Variants in KIF5C observed in about 807,000 individuals in gnomAD.
KIF5C encodes the protein kinesin family member 5C, also known as kinesin heavy chain isoform 5C.
Under a neutral mutation model 125.2 loss-of-function variants are expected in KIF5C, and 18 were observed. The ratio of observed to expected loss-of-function variants is 0.14; its 90% CI spans 0.10 to 0.21. The LOEUF (loss-of-function observed/expected upper bound fraction) is 0.21, where lower values mean the gene tolerates loss of function less well. KIF5C is among the 10% of genes least tolerant of loss of function. The pLI is 1.00. For synonymous variants in KIF5C, 405 were observed against 434.0 expected (o/e 0.93, Z 0.83); for missense variants, 780 against 1,183.8 (o/e 0.66, Z 5.01).
At chr2:148,882,886 G>A (rs2105036644) in intron 1 of KIF5C, among the ~76,000 whole-genome samples, 1 of 152,276 alleles carries the variant, frequency 6.6e-6, no homozygotes, top group East Asian at 1.9e-4. Context: ...TTGAGGGCAG[G>A]AAATTGTGTC....
chr2:148,949,718 T>C, intron 8 of KIF5C, 121 bp from the exon 9 acceptor site: 2 of 1,367,640 alleles, frequency 1.5e-6, no homozygotes, highest in Non-Finnish European at 2.0e-6. Flanking sequence ...GGGTCTTCTC[T>C]ACTTTTATTT....
At chr2:148,984,950 C>T (rs1246457248) in intron 15 of KIF5C, among the ~76,000 whole-genome samples, 1 of 151,992 alleles carries the variant, frequency 6.6e-6, no homozygotes, top group Non-Finnish European at 1.5e-5. Flanking sequence ...GCCACCAGGC[C>T]CTGCTAATTT....
chr2:148,914,416 T>C (rs1308281288), intron 1 of KIF5C, among the ~76,000 whole-genome samples: 1 of 152,282 alleles, frequency 6.6e-6, no homozygotes, highest in East Asian at 1.9e-4. Context: ...ATTCTGAATT[T>C]CTTCATTATC....
At position 148,929,365 on chromosome 2, in the gene KIF5C, A is replaced by C. The variant is rs1473241747; in HGVS notation, c.291+11A>C. The C allele has an allele frequency of 6.7e-7, 1 of 1,495,428 alleles. No individual in the cohort carries two copies. The highest frequency in any genetic ancestry group is 1.4e-5 in the African/African-American group (1 of 72,176). The allele number at this position is 1,495,428 out of a possible 1,614,324, so 92.6% of individuals were successfully genotyped here. A position where few individuals can be genotyped will look rare whatever the true frequency, so the allele number is the denominator to read the frequency against. ...ACCCACACCATGGAGGTAAGATTAC[A>C]ATGTGCTCTAATGCGAATCTCTGAG... On this transcript the variant is annotated intron_variant, in intron 3 of 25. Transcript: ENST00000435030.
intron 25 of KIF5C, among the ~76,000 whole-genome samples, chr2:149,017,390 C>G (rs1682395151): frequency 6.6e-6 from 1 of 152,166 alleles, no homozygotes; most frequent in South Asian, 2.1e-4. Flanking sequence ...CAGGGTCTCG[C>G]TCTTGAGACC....
At chr2:148,899,702 C>CAAAAA (rs771196518) in intron 1 of KIF5C, among the ~76,000 whole-genome samples, 17 of 45,984 alleles carry the variant, frequency 3.7e-4, no homozygotes, top group Admixed American at 8.6e-4. Context: ...AACTCCATCT[C>CAAAAA]AAAAAAAAAA....
intron 1 of KIF5C, among the ~76,000 whole-genome samples, chr2:148,911,098 G>A (rs1010032593): frequency 6.6e-6 from 1 of 152,184 alleles, no homozygotes; most frequent in African/African-American, 2.4e-5. Flanking sequence ...AACAATGTGG[G>A]TTTGGGACTC....
In KIF5C at chr2:148,876,119, A is replaced by G. The variant is rs1681182154; in HGVS notation, c.126+376A>G. Among the ~76,000 whole-genome samples, 1 of 152,142 alleles carries G rather than the reference A, an allele frequency of 6.6e-6. No homozygotes were observed. Among genetic ancestry groups the G allele is most frequent in the Non-Finnish European group, 1.5e-5 (1 of 68,002 alleles). On this transcript the variant is annotated intron_variant, in intron 1 of 25. Transcript: ENST00000435030. This position sits in a 1 kb window ranked among gnomAD's most constrained non-coding sequence, Gnocchi z 4.7. ...GTGCCCAGGCCCCCTTTAAAGTGTG[A>G]GCTCTGCAACCCGCAAATGCTTCTG...
chr2:148,928,324 C>T (rs1682083128), intron 2 of KIF5C, among the ~76,000 whole-genome samples: 1 of 152,160 alleles, frequency 6.6e-6, no homozygotes, highest in Admixed American at 6.5e-5. Context: ...CTCCCTGCCT[C>T]TACAGCTTGT....
At position 149,010,199 on chromosome 2, in the gene KIF5C, C is replaced by T. The variant is rs768689068; in HGVS notation, c.2615C>T (p.Thr872Met). Residue 872 changes from threonine (T) to methionine (M), a missense_variant, in exon 24 of 26, where the codon ACG becomes ATG. Physicochemically the swap from Thr to Met is moderately conservative, Grantham distance 81. Coordinates refer to ENST00000435030, the MANE Select transcript of KIF5C (RefSeq NM_004522.3). ...LPKLEKRLRA[T>M]AERVKALESA... is the part of the protein sequence containing the mutation. ...AAGCTGGAGAAGCGGCTGCGTGCCA[C>T]GGCGGAGCGCGTCAAGGCTCTGGAG... 5.1e-6 allele frequency: 8 copies of T among 1,556,932 alleles called. No homozygotes were observed. The highest frequency in any genetic ancestry group is 4.9e-5 in the East Asian group (2 of 41,172).
intron 1 of KIF5C, among the ~76,000 whole-genome samples, chr2:148,904,522 C>T (rs1276147536): frequency 2.0e-5 from 3 of 152,064 alleles, no homozygotes; most frequent in Non-Finnish European, 2.9e-5. Flanking sequence ...ATGGATTAGG[C>T]GTTGATGGTG....
At chr2:148,919,424 G>A (rs1332253594) in intron 1 of KIF5C, among the ~76,000 whole-genome samples, 1 of 152,204 alleles carries the variant, frequency 6.6e-6, no homozygotes, top group Non-Finnish European at 1.5e-5. Context: ...TGCATTAAAT[G>A]TCATTTGAAA....
At chr2:149,001,590 G>A (rs1331540557) in intron 21 of KIF5C, among the ~76,000 whole-genome samples, 1 of 152,138 alleles carries the variant, frequency 6.6e-6, no homozygotes, top group African/African-American at 2.4e-5. Flanking sequence ...TGAAACCCTG[G>A]TTGGTTTTCT....
chr2:148,913,924 A>G (rs533947692), intron 1 of KIF5C, among the ~76,000 whole-genome samples: 34 of 151,990 alleles, frequency 2.2e-4, no homozygotes, highest in Non-Finnish European at 2.8e-4. Context: ...TGAAATAACC[A>G]TGGCAGCAAT....
At chr2:148,974,334 G>A (rs1457945216) in intron 12 of KIF5C, among the ~76,000 whole-genome samples, 1 of 152,162 alleles carries the variant, frequency 6.6e-6, no homozygotes, top group African/African-American at 2.4e-5. Flanking sequence ...GAGTGCTTAG[G>A]GACACCTCTG....
intron 10 of KIF5C, among the ~76,000 whole-genome samples, chr2:148,959,187 A>G (rs1027893539): frequency 2.0e-5 from 3 of 152,088 alleles, no homozygotes; most frequent in Admixed American, 6.6e-5. Context: ...ACTCTTCTCT[A>G]TGGACACTTT....
Position 149,025,667 on chromosome 2 carries a change from A to T in KIF5C, c.*2597A>T, listed in dbSNP as rs985866702. 6.6e-6 allele frequency: 1 copy of T among 152,198 alleles called. No individual in the cohort carries two copies. Among genetic ancestry groups the T allele is most frequent in the Non-Finnish European group, 1.5e-5 (1 of 68,030 alleles). 9.4% of individuals were successfully genotyped at this position (152,198 alleles called of 1,614,324 possible). A position where few individuals can be genotyped will look rare whatever the true frequency, so the allele number is the denominator to read the frequency against. ...CTACTTCTTGAAAGTTTACTCTTTG[A>T]TGCTCTAAGAGAACAGCCAGATGGT... On this transcript the variant is annotated 3_prime_UTR_variant, in exon 26 of 26. Transcript: ENST00000435030.
At chr2:149,001,711 G>A (rs929729293) in intron 21 of KIF5C, among the ~76,000 whole-genome samples, 1 of 152,220 alleles carries the variant, frequency 6.6e-6, no homozygotes, top group African/African-American at 2.4e-5. Flanking sequence ...CTTTAAGACA[G>A]ACCATTCTAA....
intron 11 of KIF5C, among the ~76,000 whole-genome samples, chr2:148,970,437 A>G (rs1327718853): frequency 6.6e-6 from 1 of 152,196 alleles, no homozygotes; most frequent in Non-Finnish European, 1.5e-5. Flanking sequence ...CAACCCTGTG[A>G]TAAAGGCATT....
Sources: allele counts gnomAD v4.1 joint callset (sites outside exome capture counted in the v4.1 genomes callset), GRCh38; gene constraint gnomAD v4.1.1; non-coding constraint Gnocchi (gnomAD v3.1); transcripts MANE v1.5; gene names NCBI Gene and HGNC (gene_info 2026-07-23, HGNC 2026-07-21).